The following KCNH8 variants were observed in gnomAD, a reference collection of about 807,000 sequenced individuals.
The protein encoded by KCNH8 is voltage-gated delayed rectifier potassium channel KCNH8.
In KCNH8, 70 loss-of-function variants were observed where a neutral mutation model predicts 103.6. That is an observed-to-expected ratio of 0.68 (90% confidence interval 0.56 to 0.82). The LOEUF is 0.82. Among genes scored for constraint, KCNH8 ranks in the 40% least tolerant of loss-of-function variants. The pLI is 0.00. For missense variants in KCNH8, 1,217 were observed against 1,329.9 expected, an observed-to-expected ratio of 0.92 and a Z score of 1.32; for synonymous variants, 498 against 489.4, an observed-to-expected ratio of 1.02 and a Z score of -0.23.
At chr3:19,205,471 T>C (rs1365735565) in intron 1 of KCNH8, among the ~76,000 whole-genome samples, 1 of 152,052 alleles carries the variant, frequency 6.6e-6, no homozygotes, top group Non-Finnish European at 1.5e-5. Context: ...AACAAATATT[T>C]ATTGAATACT....
At chr3:19,514,290 A>G (rs2125243530) in intron 13 of KCNH8, among the ~76,000 whole-genome samples, 1 of 152,176 alleles carries the variant, frequency 6.6e-6, no homozygotes, top group East Asian at 1.9e-4. Flanking sequence ...AATATTAAGG[A>G]AAAGATAAAA....
chr3:19,243,249 T>G (rs2125246239), intron 1 of KCNH8, among the ~76,000 whole-genome samples: 1 of 152,280 alleles, frequency 6.6e-6, no homozygotes, highest in East Asian at 1.9e-4. Context: ...GTTGGTTTGT[T>G]TCTCAATTAT....
rs776403306 is a variant in KCNH8, at chr3:19,390,509, T to C, written c.840T>C (p.Tyr280=). 39 of 1,612,700 alleles carry C rather than the reference T, an allele frequency of 2.4e-5. No homozygotes were observed. Among genetic ancestry groups the C allele is most frequent in the Non-Finnish European group, 2.9e-5 (34 of 1,179,190 alleles). The change falls in exon 6 of 16, where the codon TAT becomes TAC. Residue 280 remains tyrosine, a synonymous_variant. Transcript: ENST00000328405. ...IDIILNFRTT[Y]VSKSGQVIFE... ...TTATTTTAAATTTCCGAACAACTTATGTCAGCAAGTCTGGCCAAGTTATCT... is the reference window on the plus strand; with the variant it reads ...TTATTTTAAATTTCCGAACAACTTACGTCAGCAAGTCTGGCCAAGTTATCT...
chr3:19,462,485 G>T (rs1315582562), intron 11 of KCNH8, among the ~76,000 whole-genome samples: 1 of 152,100 alleles, frequency 6.6e-6, no homozygotes, highest in Non-Finnish European at 1.5e-5. Flanking sequence ...TTTTGATGGG[G>T]TTGTTTGTTT....
chr3:19,462,340 G>A (rs1182678130), intron 11 of KCNH8, among the ~76,000 whole-genome samples: 1 of 152,134 alleles, frequency 6.6e-6, no homozygotes, highest in African/African-American at 2.4e-5. Flanking sequence ...CATTCTAACT[G>A]GTGTGAGATG....
chr3:19,165,238 A>G (rs901183359), intron 1 of KCNH8, among the ~76,000 whole-genome samples: 2 of 152,198 alleles, frequency 1.3e-5, no homozygotes, highest in African/African-American at 2.4e-5. Flanking sequence ...AGGTTGGTGC[A>G]AAAGTAATGG....
chr3:19,232,270 A>G (rs1486785103), intron 1 of KCNH8, among the ~76,000 whole-genome samples: 1 of 152,228 alleles, frequency 6.6e-6, no homozygotes, highest in Non-Finnish European at 1.5e-5. Context: ...CTTGGTTGCC[A>G]AGAAGATAAT....
chr3:19,333,656 A>G (rs987700601), intron 3 of KCNH8, among the ~76,000 whole-genome samples: 1 of 152,194 alleles, frequency 6.6e-6, no homozygotes, highest in Non-Finnish European at 1.5e-5. Context: ...AAAATATACA[A>G]TCCATATACT....
intron 3 of KCNH8, among the ~76,000 whole-genome samples, chr3:19,298,323 T>C (rs950949563): frequency 2.0e-5 from 3 of 152,230 alleles, no homozygotes; most frequent in African/African-American, 7.2e-5. Flanking sequence ...ATATTTGCCA[T>C]ACCTGCTGTT....
chr3:19,312,491 A>G (rs1287113750), intron 3 of KCNH8, among the ~76,000 whole-genome samples: 2 of 151,826 alleles, frequency 1.3e-5, no homozygotes, highest in Admixed American at 1.3e-4. Context: ...CTCGGAATAT[A>G]TTGGATTATA....
intron 11 of KCNH8, among the ~76,000 whole-genome samples, chr3:19,495,321 A>G (rs565514245): frequency 1.3e-4 from 20 of 151,962 alleles, no homozygotes; most frequent in Non-Finnish European, 2.2e-4. Context: ...GAGTTTTTAT[A>G]CTTTTGGGTT....
At chr3:19,491,008 G>A (rs781018832) in intron 11 of KCNH8, among the ~76,000 whole-genome samples, 7 of 152,136 alleles carry the variant, frequency 4.6e-5, no homozygotes, top group Non-Finnish European at 8.8e-5. Flanking sequence ...AATACTCTGG[G>A]CAGAATCTGG....
chr3:19,296,560 C>G (rs1173649158), intron 3 of KCNH8, among the ~76,000 whole-genome samples: 2 of 152,158 alleles, frequency 1.3e-5, no homozygotes, highest in African/African-American at 4.8e-5. Context: ...CACTTTTGAT[C>G]CCAGTAATTT....
intron 15 of KCNH8, among the ~76,000 whole-genome samples, chr3:19,520,353 G>C (rs1218960855): frequency 6.6e-6 from 1 of 151,844 alleles, no homozygotes; most frequent in Non-Finnish European, 1.5e-5. Context: ...GAAAATATCT[G>C]ATTTATTCTT....
chr3:19,487,630 G>T (rs1015937448), intron 11 of KCNH8, among the ~76,000 whole-genome samples: 3 of 152,114 alleles, frequency 2.0e-5, no homozygotes, highest in African/African-American at 4.8e-5. Context: ...GCCCATATTT[G>T]GGGCCATCGC....
intron 2 of KCNH8, among the ~76,000 whole-genome samples, chr3:19,271,098 C>T (rs560732562): frequency 1.3e-5 from 2 of 152,158 alleles, no homozygotes; most frequent in African/African-American, 4.8e-5. Flanking sequence ...AAAAATAGAT[C>T]ATTCACTCCT....
intron 1 of KCNH8, among the ~76,000 whole-genome samples, chr3:19,192,797 G>A (rs180957453): frequency 0.018 from 2,767 of 151,148 alleles, 79 homozygotes; most frequent in African/African-American, 0.063. Context: ...TTGGATTTGT[G>A]ATTAAATTTG....
At chr3:19,247,179 A>G (rs1190117402) in intron 1 of KCNH8, among the ~76,000 whole-genome samples, 1 of 152,184 alleles carries the variant, frequency 6.6e-6, no homozygotes, top group Non-Finnish European at 1.5e-5. Context: ...CTTTTTTACA[A>G]ATTTTTAATC....
intron 8 of KCNH8, 47 bp downstream of exon 8, chr3:19,438,408 C>T: frequency 1.4e-6 from 2 of 1,436,230 alleles, no homozygotes; most frequent in Non-Finnish European, 1.9e-6. Context: ...CTATGCCTAC[C>T]TAACTGTCAC....
Sources: gnomAD v4.1 joint callset for allele counts (sites outside exome capture counted in the v4.1 genomes callset) on GRCh38, gnomAD v4.1.1 for gene constraint, MANE v1.5 for transcripts, NCBI Gene and HGNC (gene_info 2026-07-23, HGNC 2026-07-21) for gene names.